The following UST variants were observed in gnomAD, a reference collection of about 807,000 sequenced individuals.
UST encodes uronyl 2-sulfotransferase, also known as chondroitin sulfate 2-O-sulfotransferase.
In UST, 21 loss-of-function variants were observed where a neutral mutation model predicts 45.6. That is an observed-to-expected ratio of 0.46 (90% CI 0.33 to 0.66). UST has a LOEUF of 0.66. Ranked by LOEUF, UST falls within the 30% of genes least tolerant of loss-of-function variation. The pLI is 0.02. For missense variants in UST, 463 were observed against 512.4 expected (o/e 0.90, Z 0.93); for synonymous variants, 215 against 200.6 (o/e 1.07, Z -0.61).
rs193029317 is a variant in UST at position 148,837,677 on chromosome 6, C to T, written c.248-49309C>T. On this transcript the variant is annotated intron_variant, in intron 1 of 7. Transcript: ENST00000367463. ...AAGGTACAGCAGAGAACAAGAGATA[C>T]AAGGTCCCTCTTTTTTTTTTTTTCT... Among the ~76,000 whole-genome samples, 589 of 151,182 alleles carry T rather than the reference C, an allele frequency of 3.9e-3. 1 individual carries two copies. Among genetic ancestry groups the T allele is most frequent in the Middle Eastern group, 0.014 (4 of 294 alleles).
intron 1 of UST, among the ~76,000 whole-genome samples, chr6:148,788,463 T>A (rs1233466594): frequency 6.6e-6 from 1 of 152,232 alleles, no homozygotes; most frequent in African/African-American, 2.4e-5. Context: ...TATGAAAATA[T>A]CACTGAAATA....
chr6:148,803,449 A>G (rs992614147), intron 1 of UST, among the ~76,000 whole-genome samples: 1 of 152,144 alleles, frequency 6.6e-6, no homozygotes, highest in Non-Finnish European at 1.5e-5. Context: ...TGATGACTTT[A>G]CTTCTTAAAC....
intron 2 of UST, among the ~76,000 whole-genome samples, chr6:148,936,768 T>G (rs1019713817): frequency 6.6e-6 from 1 of 152,146 alleles, no homozygotes; most frequent in Non-Finnish European, 1.5e-5. Flanking sequence ...CGATCTCAGC[T>G]CACTGCAATC....
At chr6:148,878,752 G>T (rs1218732455) in intron 1 of UST, among the ~76,000 whole-genome samples, 1 of 145,296 alleles carries the variant, frequency 6.9e-6, no homozygotes, top group Non-Finnish European at 1.5e-5. Context: ...CGGGGGTTCA[G>T]GTATGAGTGG....
intron 1 of UST, among the ~76,000 whole-genome samples, chr6:148,759,481 C>T (rs1333711716): frequency 1.3e-5 from 2 of 150,958 alleles, no homozygotes; most frequent in African/African-American, 4.9e-5. Context: ...GAGCCGAGAT[C>T]GCACCACTGC....
At chr6:149,056,806 T>G (rs1293733186) in intron 7 of UST, among the ~76,000 whole-genome samples, 1 of 152,228 alleles carries the variant, frequency 6.6e-6, no homozygotes, top group Non-Finnish European at 1.5e-5. Flanking sequence ...CCTTGGAACT[T>G]CATTTCACAC....
intron 7 of UST, among the ~76,000 whole-genome samples, chr6:149,030,836 G>C (rs1225009061): frequency 6.6e-6 from 1 of 152,072 alleles, no homozygotes; most frequent in Non-Finnish European, 1.5e-5. Flanking sequence ...AGATCTGTTT[G>C]ACAACACCTG....
At chr6:149,001,040 A>C (rs1781539896) in intron 5 of UST, among the ~76,000 whole-genome samples, 1 of 152,016 alleles carries the variant, frequency 6.6e-6, no homozygotes, top group East Asian at 1.9e-4. Flanking sequence ...GAAGCAATTA[A>C]AGGACAAAAT....
chr6:148,871,041 T>C lies in UST; in HGVS notation c.248-15945T>C, dbSNP rs143002946. 6.0e-3 allele frequency among the ~76,000 whole-genome samples: 903 copies of C among 149,864 alleles called. 7 individuals carry two copies. The highest frequency in any genetic ancestry group is 0.021 in the African/African-American group (855 of 40,688). On this transcript the variant is annotated intron_variant, in intron 1 of 7. Transcript: ENST00000367463. ...TGGAGGTGGGGCCTTTGGGAGGTGA[T>C]TAGGTTTGAGGGTAGGGCTGCCATG...
intron 5 of UST, among the ~76,000 whole-genome samples, chr6:148,984,952 T>C (rs10499253): frequency 0.046 from 6,938 of 152,258 alleles, 201 homozygotes; most frequent in East Asian, 0.078. Context: ...GATCAACAAT[T>C]GTTTCATGAG....
intron 1 of UST, among the ~76,000 whole-genome samples, chr6:148,824,674 C>CTTTTTT (rs535345402): frequency 9.0e-5 from 12 of 133,326 alleles, no homozygotes; most frequent in East Asian, 2.2e-4. Context: ...TATTTTCTTT[C>CTTTTTT]TTTTTTTTTT....
intron 3 of UST, among the ~76,000 whole-genome samples, chr6:148,943,770 A>G (rs1280741341): frequency 7.6e-6 from 1 of 131,016 alleles, no homozygotes; most frequent in Non-Finnish European, 1.8e-5. Flanking sequence ...GACCTAGAAT[A>G]TATTTCATAA....
chr6:148,927,031 T>C (rs1779826178), intron 2 of UST, among the ~76,000 whole-genome samples: 1 of 152,220 alleles, frequency 6.6e-6, no homozygotes, highest in Non-Finnish European at 1.5e-5. Flanking sequence ...ATATTTACCT[T>C]CTGAATTTAA....
chr6:148,820,657 T>G (rs951005893), intron 1 of UST, among the ~76,000 whole-genome samples: 1 of 151,952 alleles, frequency 6.6e-6, no homozygotes, highest in Non-Finnish European at 1.5e-5. Flanking sequence ...AAGACCATCC[T>G]GGCTAACACG....
chr6:148,874,062 G>C (rs571629642), intron 1 of UST, among the ~76,000 whole-genome samples: 4 of 152,250 alleles, frequency 2.6e-5, no homozygotes, highest in African/African-American at 9.6e-5. Context: ...GGGCTGCTGC[G>C]TTAGCAGGTG....
intron 1 of UST, among the ~76,000 whole-genome samples, chr6:148,856,077 C>T (rs1370341734): frequency 1.3e-5 from 2 of 152,108 alleles, no homozygotes; most frequent in Non-Finnish European, 2.9e-5. Flanking sequence ...AGTGCAGTAA[C>T]GCGATCTTGG....
At chr6:148,913,173 G>A (rs375035013) in intron 2 of UST, among the ~76,000 whole-genome samples, 12 of 152,250 alleles carry the variant, frequency 7.9e-5, no homozygotes, top group African/African-American at 2.4e-4. Flanking sequence ...AATCATTAGG[G>A]AAATTGCCCA....
intron 1 of UST, among the ~76,000 whole-genome samples, chr6:148,763,295 T>C (rs2114661119): frequency 6.6e-6 from 1 of 152,316 alleles, no homozygotes; most frequent in Admixed American, 6.5e-5. Flanking sequence ...TGTGGGCTGC[T>C]TGTATATCTT....
chr6:148,775,307 C>G (rs1776509413), intron 1 of UST, among the ~76,000 whole-genome samples: 2 of 152,116 alleles, frequency 1.3e-5, no homozygotes, highest in Non-Finnish European at 2.9e-5. Context: ...AATGCCCACT[C>G]CAGTGCAGTG....
Sources: gnomAD v4.1 joint callset for allele counts (sites outside exome capture counted in the v4.1 genomes callset) on GRCh38, gnomAD v4.1.1 for gene constraint, MANE v1.5 for transcripts, NCBI Gene and HGNC (gene_info 2026-07-23, HGNC 2026-07-21) for gene names.